SLC17A8: variants seen among roughly 807,000 people sequenced by gnomAD.
SLC17A8 encodes the protein vesicular glutamate transporter 3.
Under a neutral mutation model 58.0 loss-of-function variants are expected in SLC17A8, and 31 were observed. That is an observed-to-expected ratio of 0.53 (90% CI 0.40 to 0.72). SLC17A8 has a LOEUF of 0.72. Ranked by LOEUF, SLC17A8 falls within the 30% of genes least tolerant of loss-of-function variation. The pLI, the probability that SLC17A8 is intolerant of heterozygous loss-of-function variation, is 0.00. For missense variants in SLC17A8, 655 were observed against 727.8 expected (o/e 0.90, Z 1.15); for synonymous variants, 228 against 249.0 (o/e 0.92, Z 0.79).
At chr12:100,373,339 T>G (rs1167060446) in intron 1 of SLC17A8, among the ~76,000 whole-genome samples, 1 of 149,908 alleles carries the variant, frequency 6.7e-6, no homozygotes, top group African/African-American at 2.5e-5. Context: ...TTAAATAACT[T>G]TCTCGTCTCC....
chr12:100,391,224 G>A (rs1952713802), intron 3 of SLC17A8, 105 bp downstream of exon 3: 1 of 780,550 alleles, frequency 1.3e-6, no homozygotes, highest in Admixed American at 1.8e-5. Flanking sequence ...ATGAAAAACA[G>A]GAGCCATCTG....
intron 2 of SLC17A8, among the ~76,000 whole-genome samples, chr12:100,387,367 T>C (rs535364636): frequency 6.6e-6 from 1 of 152,354 alleles, no homozygotes; most frequent in South Asian, 2.1e-4. Context: ...TGACCGCCTC[T>C]TCATGTAGAT....
chr12:100,364,245 A>G (rs1366983235), intron 1 of SLC17A8, among the ~76,000 whole-genome samples: 1 of 152,160 alleles, frequency 6.6e-6, no homozygotes, highest in African/African-American at 2.4e-5. Context: ...GAATCCTCAG[A>G]TAGTGATGTT....
intron 5 of SLC17A8, among the ~76,000 whole-genome samples, chr12:100,397,887 A>G (rs1952764039): frequency 6.6e-6 from 1 of 151,218 alleles, no homozygotes; most frequent in African/African-American, 2.4e-5. Flanking sequence ...GGTTGCAGTG[A>G]GCCGAGATCA....
intron 1 of SLC17A8, among the ~76,000 whole-genome samples, chr12:100,360,496 G>A (rs1325986164): frequency 1.3e-5 from 2 of 152,096 alleles, no homozygotes; most frequent in African/African-American, 4.8e-5. Flanking sequence ...GTGCAGTGAT[G>A]TGATCATAGC....
intron 9 of SLC17A8, among the ~76,000 whole-genome samples, chr12:100,405,142 T>C (rs1952818338): frequency 6.6e-6 from 1 of 151,924 alleles, no homozygotes; most frequent in African/African-American, 2.4e-5. Flanking sequence ...AGCCTAAGAG[T>C]CTGTTGGCAC....
chr12:100,395,953 A>G (rs1402302498), intron 4 of SLC17A8, among the ~76,000 whole-genome samples: 2 of 152,186 alleles, frequency 1.3e-5, no homozygotes, highest in Non-Finnish European at 2.9e-5. Context: ...TGAGGAGTCA[A>G]AGATCAAGGT....
At position 100,402,554 on chromosome 12, in the gene SLC17A8, C is replaced by T. The variant is rs1050204178; in HGVS notation, c.904-42C>T. 1.9e-6 allele frequency: 3 copies of T among 1,612,384 alleles called. No homozygotes were observed. The African/African-American group carries it at 4.0e-5, about 22-fold the overall frequency. On this transcript the variant is annotated intron_variant, in intron 7 of 11. Transcript: ENST00000323346. ...TGTTGCCTTCTTACAGAAAAAATGT[C>T]AATATCTTTACTAAAAATATCATGG... is the stretch of plus-strand genomic sequence containing the variant.
intron 1 of SLC17A8, among the ~76,000 whole-genome samples, chr12:100,358,502 C>G (rs1566382680): frequency 6.6e-6 from 1 of 152,014 alleles, no homozygotes. Flanking sequence ...GTTAAATTTT[C>G]CATGGTATCA....
intron 4 of SLC17A8, among the ~76,000 whole-genome samples, chr12:100,395,942 C>G (rs879384818): frequency 1.3e-5 from 2 of 152,216 alleles, no homozygotes; most frequent in Non-Finnish European, 2.9e-5. Flanking sequence ...GTTCTGGAGG[C>G]TGAGGAGTCA....
chr12:100,393,337 C>T (rs1952729816), intron 3 of SLC17A8, 32 bp from the exon 4 acceptor site: 1 of 1,499,678 alleles, frequency 6.7e-7, no homozygotes, highest in East Asian at 2.3e-5. Context: ...ATCAGCAGAC[C>T]TGCCGAATAA....
Position 100,401,459 on chromosome 12 carries a change from G to C in SLC17A8, c.677-318G>C, listed in dbSNP as rs143669382. On this transcript the variant is annotated intron_variant, in intron 5 of 11. Transcript: ENST00000323346. The stretch of plus-strand genomic sequence containing the variant: ...CTTTTTAGCTTCCAATATTGCGCCT[G>C]GTTGAATTTTCAAAATTTCTCTTAG... Among the ~76,000 whole-genome samples, 6 of 152,088 alleles carry C rather than the reference G, an allele frequency of 3.9e-5. No individual in the cohort carries two copies. The East Asian group carries it at 1.2e-3, about 29-fold the overall frequency.
rs773594483 is a variant in SLC17A8 at position 100,380,970 on chromosome 12, G to C, written c.354+17G>C. The C allele has an allele frequency of 2.5e-6, 4 of 1,613,670 alleles. No individual in the cohort carries two copies. The South Asian group carries it at 4.4e-5, about 18-fold the overall frequency. ...GAAATTCAGGTTGGTATCAGTCCATGGTGGAAGACTTTTCTTTTTGAGACA... is the reference window on the plus strand; with the variant it reads ...GAAATTCAGGTTGGTATCAGTCCATCGTGGAAGACTTTTCTTTTTGAGACA... On this transcript the variant is annotated intron_variant, in intron 2 of 11. Coordinates refer to ENST00000323346, the MANE Select transcript of SLC17A8 (RefSeq NM_139319.3).
chr12:100,372,228 G>T (rs1021377595), intron 1 of SLC17A8, among the ~76,000 whole-genome samples: 2 of 152,134 alleles, frequency 1.3e-5, no homozygotes, highest in Non-Finnish European at 2.9e-5. Flanking sequence ...CAAGATCAAG[G>T]TTTGATTTCT....
chr12:100,403,204 T>C (rs1952803904), intron 8 of SLC17A8, among the ~76,000 whole-genome samples: 1 of 152,156 alleles, frequency 6.6e-6, no homozygotes, highest in Non-Finnish European at 1.5e-5. Flanking sequence ...CTGCCAGGCG[T>C]GGTGGCTCAC....
Position 100,421,887 on chromosome 12 carries a change from T to G in SLC17A8, c.*1728T>G, listed in dbSNP as rs972931191. On this transcript the variant is annotated 3_prime_UTR_variant, in exon 12 of 12. Coordinates refer to ENST00000323346, the MANE Select transcript of SLC17A8 (RefSeq NM_139319.3). The stretch of plus-strand genomic sequence containing the variant: ...AAGCCCCATAAAACAGTTCCTAGCA[T>G]GCAGAAAATGCCCACGTAAATAGCT... 3 of 152,174 alleles carry G rather than the reference T, an allele frequency of 2.0e-5. No homozygotes were observed. The highest frequency in any genetic ancestry group is 4.4e-5 in the Non-Finnish European group (3 of 68,024). 9.4% of individuals were successfully genotyped at this position (152,174 alleles called of 1,614,324 possible). A position where few individuals can be genotyped will look rare whatever the true frequency, so the allele number is the denominator to read the frequency against.
At chr12:100,419,425 T>C (rs1952930964) in intron 11 of SLC17A8, among the ~76,000 whole-genome samples, 2 of 151,800 alleles carry the variant, frequency 1.3e-5, no homozygotes, top group Non-Finnish European at 2.9e-5. Flanking sequence ...TCCCAGCTAC[T>C]CAGAGGCTGA....
chr12:100,370,316 A>T (rs1427667972), intron 1 of SLC17A8, among the ~76,000 whole-genome samples: 1 of 151,672 alleles, frequency 6.6e-6, no homozygotes, highest in African/African-American at 2.4e-5. Context: ...TTTATTTTTG[A>T]GATGGAGTTT....
rs59689031 is a variant in SLC17A8 at position 100,421,658 on chromosome 12, G to GTTTTTTTTTTTTT, written c.*1509_*1521dup. The GTTTTTTTTTTTTT allele has an allele frequency of 1.6e-3, 178 of 109,774 alleles. 1 individual carries two copies. Among genetic ancestry groups the GTTTTTTTTTTTTT allele is most frequent in the Non-Finnish European group, 1.9e-3 (108 of 58,348 alleles). 6.8% of individuals were successfully genotyped at this position (109,774 alleles called of 1,614,324 possible). A position where few individuals can be genotyped will look rare whatever the true frequency, so the allele number is the denominator to read the frequency against. ...TACTTGTAGCTTATTATTGTAAAGT[G>GTTTTTTTTTTTTT]TTTTTTTTTTTTTTTTTTTTTTCTA... On this transcript the variant is annotated 3_prime_UTR_variant, in exon 12 of 12. Coordinates refer to ENST00000323346, the MANE Select transcript of SLC17A8 (RefSeq NM_139319.3).
Sources: gnomAD v4.1 joint callset for allele counts (sites outside exome capture counted in the v4.1 genomes callset) on GRCh38, gnomAD v4.1.1 for gene constraint, MANE v1.5 for transcripts, NCBI Gene and HGNC (gene_info 2026-07-23, HGNC 2026-07-21) for gene names.